The following NAGLU variants were observed in gnomAD, a reference collection of about 807,000 sequenced individuals.
NAGLU encodes the protein N-acetyl-alpha-glucosaminidase.
NAGLU carries 34 observed loss-of-function variants against 43.4 expected under a neutral mutation model. That is an observed-to-expected ratio of 0.78 (90% CI 0.60 to 1.04). The LOEUF (loss-of-function observed/expected upper bound fraction) is 1.04. Ranked by LOEUF, NAGLU falls within the 50% of genes least tolerant of loss-of-function variation. NAGLU has a pLI of 0.00. For synonymous variants in NAGLU, 425 were observed against 437.6 expected, an observed-to-expected ratio of 0.97 and a Z score of 0.36; for missense variants, 910 against 993.7, an observed-to-expected ratio of 0.92 and a Z score of 1.13.
At chr17:42,536,949 C>T (rs2092908068) in intron 1 of NAGLU, 2 of 545,140 alleles carry the variant, frequency 3.7e-6, no homozygotes, top group Admixed American at 3.7e-5. Context: ...TGCCTTCCTC[C>T]CCCACCTTCT....
rs1041760854 is a variant in NAGLU at position 42,542,043 on chromosome 17, G to A, written c.1021+837G>A. On this transcript the variant is annotated intron_variant, in intron 5 of 5. Transcript: ENST00000225927. Reference sequence around the variant, plus strand: ...AGCCTCCCGAGTAGCTGGGACTATAGGCACCCGCCACCACGCCCGGCAATT... The same window carrying A: ...AGCCTCCCGAGTAGCTGGGACTATAAGCACCCGCCACCACGCCCGGCAATT... 2.0e-5 allele frequency among the ~76,000 whole-genome samples: 3 copies of A among 151,998 alleles called. No individual in the cohort carries two copies. The South Asian group carries it at 6.2e-4, about 32-fold the overall frequency.
Sources: gnomAD v4.1 joint callset for allele counts (sites outside exome capture counted in the v4.1 genomes callset) on GRCh38, gnomAD v4.1.1 for gene constraint, MANE v1.5 for transcripts, NCBI Gene and HGNC (gene_info 2026-07-23, HGNC 2026-07-21) for gene names.